Variants in PARD3 observed in about 807,000 individuals in gnomAD.
PARD3 encodes the protein par-3 family cell polarity regulator, also known as partitioning defective 3 homolog.
A neutral mutation model predicts 155.4 loss-of-function variants in PARD3; 75 were observed. The observed-to-expected ratio is 0.48, with a 90% CI of 0.40 to 0.58. The LOEUF is 0.58. Among genes scored for constraint, PARD3 ranks in the 20% least tolerant of loss-of-function variants. The pLI is 0.00. For synonymous variants in PARD3, 576 were observed against 610.5 expected, an observed-to-expected ratio of 0.94 and a Z score of 0.83; for missense variants, 1,642 against 1,721.7, an observed-to-expected ratio of 0.95 and a Z score of 0.82.
chr10:34,559,831 A>G (rs2085317259), intron 2 of PARD3, among the ~76,000 whole-genome samples: 1 of 152,196 alleles, frequency 6.6e-6, no homozygotes, highest in Admixed American at 6.5e-5. Context: ...CGCACTTCTG[A>G]GGCTTTGGCT....
At chr10:34,272,651 T>C (rs7094896) in intron 21 of PARD3, among the ~76,000 whole-genome samples, 4,529 of 152,100 alleles carry the variant, frequency 0.03, 198 homozygotes, top group African/African-American at 0.1. Flanking sequence ...GCCTGGGCCC[T>C]GGAGGCCAAG....
intron 5 of PARD3, among the ~76,000 whole-genome samples, chr10:34,446,421 G>T (rs936889775): frequency 6.6e-6 from 1 of 151,734 alleles, no homozygotes; most frequent in South Asian, 2.1e-4. Context: ...CACTTGACAC[G>T]GCAACCCCTG....
At chr10:34,794,883 A>G (rs1281501019) in intron 1 of PARD3, among the ~76,000 whole-genome samples, 4 of 152,278 alleles carry the variant, frequency 2.6e-5, no homozygotes, top group Admixed American at 6.5e-5. Flanking sequence ...TGTGATACAC[A>G]CGCATATGCG....
chr10:34,640,734 A>AAAAAAAAAAAAAAAAAAAAC (rs2092650936), intron 2 of PARD3, among the ~76,000 whole-genome samples: 1 of 145,172 alleles, frequency 6.9e-6, no homozygotes, highest in African/African-American at 2.6e-5. Flanking sequence ...AAAAAAAAAA[A>AAAAAAAAAAAAAAAAAAAAC]AAGCACTTTT....
intron 1 of PARD3, among the ~76,000 whole-genome samples, chr10:34,802,281 T>G (rs755677573): frequency 1.6e-4 from 24 of 151,396 alleles, no homozygotes; most frequent in Non-Finnish European, 2.8e-4. Flanking sequence ...TAAAGCACTT[T>G]TAGAAAAAAA....
chr10:34,757,061 C>T (rs1343239391), intron 1 of PARD3, among the ~76,000 whole-genome samples: 1 of 152,114 alleles, frequency 6.6e-6, no homozygotes, highest in African/African-American at 2.4e-5. Flanking sequence ...CTCCTTGATT[C>T]CTCTGGTAGG....
intron 3 of PARD3, among the ~76,000 whole-genome samples, chr10:34,502,275 A>T (rs1371428553): frequency 2.0e-5 from 3 of 152,204 alleles, no homozygotes; most frequent in Admixed American, 2.0e-4. Context: ...AGAACGGAAG[A>T]GTCAGAGAGA....
intron 10 of PARD3, among the ~76,000 whole-genome samples, chr10:34,377,176 C>T (rs1185470633): frequency 1.3e-5 from 2 of 152,200 alleles, no homozygotes; most frequent in South Asian, 2.1e-4. Context: ...TCATTTATTT[C>T]ATCTGTCTCT....
chr10:34,661,852 G>T (rs1184720278), intron 2 of PARD3, among the ~76,000 whole-genome samples: 1 of 152,148 alleles, frequency 6.6e-6, no homozygotes, highest in East Asian at 1.9e-4. Flanking sequence ...GTGGAAGGTG[G>T]GGCATTTTAT....
At chr10:34,232,113 A>T (rs532506586) in intron 22 of PARD3, among the ~76,000 whole-genome samples, 2 of 152,240 alleles carry the variant, frequency 1.3e-5, no homozygotes, top group South Asian at 4.2e-4. Flanking sequence ...GTTTGAGAGC[A>T]GAGTCAGAGG....
At chr10:34,814,405 C>T (rs928155272) in intron 1 of PARD3, among the ~76,000 whole-genome samples, 20 of 152,182 alleles carry the variant, frequency 1.3e-4, no homozygotes, top group Non-Finnish European at 2.1e-4. Context: ...CAACCCGCCT[C>T]TGTCGGAAGG....
intron 2 of PARD3, among the ~76,000 whole-genome samples, chr10:34,685,542 G>C (rs1363467606): frequency 2.0e-5 from 3 of 151,980 alleles, no homozygotes; most frequent in Non-Finnish European, 4.4e-5. Flanking sequence ...GAGTAAACCG[G>C]TGGCTTAAAC....
intron 20 of PARD3, among the ~76,000 whole-genome samples, chr10:34,315,558 A>C (rs1025130693): frequency 6.6e-6 from 1 of 152,170 alleles, no homozygotes; most frequent in Non-Finnish European, 1.5e-5. Flanking sequence ...CTAACCCTGT[A>C]ATTTGAAGAA....
chr10:34,146,807 C>T (rs1462082014), intron 22 of PARD3, among the ~76,000 whole-genome samples: 2 of 152,176 alleles, frequency 1.3e-5, no homozygotes, highest in Admixed American at 6.5e-5. Flanking sequence ...CTGCATGCTC[C>T]TATCACCACT....
At chr10:34,578,739 T>A (rs982117893) in intron 2 of PARD3, among the ~76,000 whole-genome samples, 1 of 152,220 alleles carries the variant, frequency 6.6e-6, no homozygotes, top group African/African-American at 2.4e-5. Context: ...TGTTTCCAAC[T>A]TCTCAAATAC....
chr10:34,123,294 A>T (rs1028278830), intron 23 of PARD3, among the ~76,000 whole-genome samples: 143 of 151,602 alleles, frequency 9.4e-4, no homozygotes, highest in African/African-American at 3.2e-3. Context: ...AAAAATATGT[A>T]TTTTTTTTTG....
intron 5 of PARD3, among the ~76,000 whole-genome samples, chr10:34,443,891 C>T (rs1299167367): frequency 6.6e-6 from 1 of 152,138 alleles, no homozygotes; most frequent in Non-Finnish European, 1.5e-5. Flanking sequence ...AAACTCTGGC[C>T]TCTGAGACTT....
intron 2 of PARD3, among the ~76,000 whole-genome samples, chr10:34,642,305 T>C (rs1045807570): frequency 1.3e-5 from 2 of 152,122 alleles, no homozygotes; most frequent in East Asian, 3.9e-4. Flanking sequence ...CCAGCTGTCA[T>C]GAATCTTTCT....
intron 3 of PARD3, among the ~76,000 whole-genome samples, chr10:34,489,939 A>C (rs1564772497): frequency 1.3e-5 from 2 of 152,216 alleles, no homozygotes; most frequent in African/African-American, 4.8e-5. Flanking sequence ...ATCCTGGCAA[A>C]AGTTAATCTA....
Sources: gnomAD v4.1 joint callset for allele counts (sites outside exome capture counted in the v4.1 genomes callset) on GRCh38, gnomAD v4.1.1 for gene constraint, MANE v1.5 for transcripts, NCBI Gene and HGNC (gene_info 2026-07-23, HGNC 2026-07-21) for gene names.